Variants in SLC9D1 observed in about 807,000 individuals in gnomAD.
SLC9D1 encodes putative LAG1-interacting protein.
At chr13:113,524,445 G>A in the SLC9D1 span, among the ~76,000 whole-genome samples, 29 of 152,030 alleles carry the variant, frequency 1.9e-4, no homozygotes, top group Non-Finnish European at 3.7e-4. Context: ...AGTGATTCTC[G>A]TGCCTCAGCC....
chr13:113,546,632 T>C, the SLC9D1 span, among the ~76,000 whole-genome samples: 5 of 152,002 alleles, frequency 3.3e-5, no homozygotes, highest in Non-Finnish European at 7.4e-5. This position sits in a 1 kb window ranked among gnomAD's most constrained non-coding sequence, Gnocchi z 7.1. Context: ...GTCCTTCCGA[T>C]CAAGAGGAGG....
At chr13:113,525,953 C>G in the SLC9D1 span, among the ~76,000 whole-genome samples, 3 of 144,554 alleles carry the variant, frequency 2.1e-5, no homozygotes, top group Admixed American at 6.9e-5. Context: ...TATTCTAGAA[C>G]AAGCCGTCGT....
At chr13:113,544,049 C>T in the SLC9D1 span, among the ~76,000 whole-genome samples, 2 of 152,208 alleles carry the variant, frequency 1.3e-5, no homozygotes, top group African/African-American at 2.4e-5. Flanking sequence ...TGCCTCTGTG[C>T]GTGGGACCCG....
the SLC9D1 span, among the ~76,000 whole-genome samples, chr13:113,502,606 C>T: frequency 2.0e-5 from 3 of 152,184 alleles, no homozygotes; most frequent in Admixed American, 1.3e-4. Context: ...TGCTGGGCCC[C>T]GTCACACTGA....
the SLC9D1 span, among the ~76,000 whole-genome samples, chr13:113,546,710 A>G: frequency 6.6e-6 from 1 of 152,092 alleles, no homozygotes; most frequent in African/African-American, 2.4e-5. The surrounding 1 kb of genome is among the most constrained non-coding windows in gnomAD (Gnocchi z 7.1). Context: ...CTGTGGCTGG[A>G]GAGCTGAGCC....
At chr13:113,540,771 G>A in the SLC9D1 span, among the ~76,000 whole-genome samples, 14 of 152,358 alleles carry the variant, frequency 9.2e-5, no homozygotes, top group Admixed American at 2.0e-4. Context: ...TTGCGATTGC[G>A]TTTGTAGTCT....
the SLC9D1 span, among the ~76,000 whole-genome samples, chr13:113,525,098 C>T: frequency 8.5e-5 from 13 of 152,148 alleles, no homozygotes; most frequent in Non-Finnish European, 7.4e-5. Context: ...CTGGAATCCA[C>T]GTTTTACCAC....
chr13:113,491,476 A>G, the SLC9D1 span, among the ~76,000 whole-genome samples: 1 of 120,318 alleles, frequency 8.3e-6, no homozygotes, highest in South Asian at 2.5e-4. Context: ...TTCCCTTCCC[A>G]GGGGTCCCCT....
chr13:113,534,330 A>T, the SLC9D1 span: 1 of 1,069,744 alleles, frequency 9.3e-7, no homozygotes, highest in South Asian at 1.4e-5. Context: ...TTTCCATTTT[A>T]ATAATGGTTA....
At chr13:113,528,861 G>A in the SLC9D1 span, 2 of 152,220 alleles carry the variant, frequency 1.3e-5, no homozygotes, top group Non-Finnish European at 2.9e-5. Flanking sequence ...TGGCTACAAT[G>A]TCCAACATAA....
the SLC9D1 span, among the ~76,000 whole-genome samples, chr13:113,509,631 A>T: frequency 6.6e-6 from 1 of 152,228 alleles, no homozygotes; most frequent in Non-Finnish European, 1.5e-5. Context: ...ATTGATTGGG[A>T]CCATGCAGTG....
At chr13:113,495,318 G>T in the SLC9D1 span, among the ~76,000 whole-genome samples, 1 of 152,064 alleles carries the variant, frequency 6.6e-6, no homozygotes, top group Admixed American at 6.5e-5. Flanking sequence ...ACCATACAAG[G>T]TACATCAACA....
At chr13:113,493,263 C>T in the SLC9D1 span, among the ~76,000 whole-genome samples, 10,106 of 152,238 alleles carry the variant, frequency 0.066, 380 homozygotes, top group Non-Finnish European at 0.078. Context: ...GTGTCATTCA[C>T]ACATGAGCTG....
chr13:113,549,236 G>A, the SLC9D1 span, among the ~76,000 whole-genome samples: 4 of 151,488 alleles, frequency 2.6e-5, no homozygotes, highest in East Asian at 1.9e-4. Context: ...CGGCATGACC[G>A]CGCTTAGCTT....
the SLC9D1 span, chr13:113,491,280 A>G: frequency 0.072 from 10,979 of 152,502 alleles, 453 homozygotes; most frequent in African/African-American, 0.089. Flanking sequence ...CCCGGTGAGC[A>G]CCAGGCCCGT....
the SLC9D1 span, chr13:113,498,430 C>G: frequency 6.3e-7 from 1 of 1,585,490 alleles, no homozygotes. Flanking sequence ...CAAAGTTTAT[C>G]CATGCTTGAC....
At chr13:113,495,219 C>T in the SLC9D1 span, among the ~76,000 whole-genome samples, 2 of 152,082 alleles carry the variant, frequency 1.3e-5, no homozygotes, top group Admixed American at 6.5e-5. Flanking sequence ...GGTAGAGATA[C>T]GAGGCTGCGT....
the SLC9D1 span, chr13:113,530,173 A>T: frequency 6.6e-6 from 1 of 152,218 alleles, no homozygotes; most frequent in Non-Finnish European, 1.5e-5. Context: ...GTCCGTACAG[A>T]CAGGATGAAT....
the SLC9D1 span, chr13:113,503,731 T>G: frequency 1.7e-6 from 1 of 580,420 alleles, no homozygotes; most frequent in Non-Finnish European, 3.0e-6. Flanking sequence ...ATGTTATTTT[T>G]GGGACAAATT....
Sources: gnomAD v4.1 joint callset for allele counts (sites outside exome capture counted in the v4.1 genomes callset) on GRCh38, gnomAD v4.1.1 for gene constraint, Gnocchi (gnomAD v3.1) non-coding constraint, MANE v1.5 for transcripts, NCBI Gene and HGNC (gene_info 2026-07-23, HGNC 2026-07-21) for gene names.